NRG1: variants seen among roughly 807,000 people sequenced by gnomAD.
NRG1 encodes the protein neuregulin 1.
Under a neutral mutation model 63.8 loss-of-function variants are expected in NRG1, and 18 were observed. That is an observed-to-expected ratio of 0.28 (90% CI 0.19 to 0.42). The LOEUF is 0.42. Ranked by LOEUF, NRG1 falls within the 10% of genes least tolerant of loss-of-function variation. The probability of loss-of-function intolerance (pLI) is 1.00; values close to 1 mark genes in which losing one functional copy is unlikely to be tolerated. For missense variants in NRG1, 762 were observed against 814.7 expected, an observed-to-expected ratio of 0.94 and a Z score of 0.79; for synonymous variants, 302 against 301.3, an observed-to-expected ratio of 1.00 and a Z score of -0.02.
At chr8:32,643,876 T>G (rs1188179482) in intron 5 of NRG1, among the ~76,000 whole-genome samples, 1 of 152,242 alleles carries the variant, frequency 6.6e-6, no homozygotes, top group Non-Finnish European at 1.5e-5. Flanking sequence ...AATTCCTATT[T>G]CATTGTTACA....
chr8:31,840,247 A>C (rs1826064325), intron 1 of NRG1, among the ~76,000 whole-genome samples: 1 of 151,830 alleles, frequency 6.6e-6, no homozygotes, highest in African/African-American at 2.4e-5. Flanking sequence ...CCTAGTCCAT[A>C]GTATCCAGCA....
At chr8:32,765,553 A>G (rs1831361180) in exon 12 of NRG1, 1 of 151,860 alleles carries the variant, frequency 6.6e-6, no homozygotes, top group South Asian at 2.1e-4. Flanking sequence ...GTGGATGACC[A>G]CCCCTTTCTC....
intron 1 of NRG1, among the ~76,000 whole-genome samples, chr8:31,927,706 C>T (rs1230324039): frequency 6.7e-6 from 1 of 150,090 alleles, no homozygotes; most frequent in East Asian, 1.9e-4. Context: ...CCTCGGCCTC[C>T]CAAAGTGCTG....
intron 1 of NRG1, among the ~76,000 whole-genome samples, chr8:31,904,850 C>G (rs1832391443): frequency 6.6e-6 from 1 of 151,946 alleles, no homozygotes; most frequent in Non-Finnish European, 1.5e-5. Flanking sequence ...TACAAGGGAA[C>G]AGTAGACACT....
intron 1 of NRG1, among the ~76,000 whole-genome samples, chr8:32,080,806 T>A (rs1014741576): frequency 4.1e-5 from 5 of 121,470 alleles, no homozygotes; most frequent in African/African-American, 6.0e-5. Context: ...TGTGTGTGTG[T>A]GTGACAGAGA....
intron 1 of NRG1, among the ~76,000 whole-genome samples, chr8:32,558,953 G>A (rs1035977903): frequency 1.3e-5 from 2 of 151,776 alleles, no homozygotes; most frequent in African/African-American, 4.8e-5. Flanking sequence ...GGTGGCATGT[G>A]CCTGTGGTCC....
chr8:32,470,583 T>A (rs1823721867), intron 1 of NRG1, among the ~76,000 whole-genome samples: 1 of 152,210 alleles, frequency 6.6e-6, no homozygotes, highest in African/African-American at 2.4e-5. Context: ...TTATAAGTAC[T>A]TCTCCCATTC....
intron 1 of NRG1, among the ~76,000 whole-genome samples, chr8:31,930,569 G>T (rs1209909026): frequency 6.6e-6 from 1 of 152,146 alleles, no homozygotes; most frequent in Non-Finnish European, 1.5e-5. Context: ...CAAATGGCTA[G>T]CTCTTCTCAA....
intron 6 of NRG1, among the ~76,000 whole-genome samples, chr8:32,741,163 G>A (rs1413560378): frequency 6.6e-6 from 1 of 152,080 alleles, no homozygotes; most frequent in Non-Finnish European, 1.5e-5. Context: ...CCATATTTAA[G>A]CACAGCCCCA....
At chr8:32,173,922 A>T (rs1840380062) in intron 1 of NRG1, among the ~76,000 whole-genome samples, 1 of 152,172 alleles carries the variant, frequency 6.6e-6, no homozygotes, top group Non-Finnish European at 1.5e-5. Flanking sequence ...TCAACATTAG[A>T]CTGATCAACG....
intron 1 of NRG1, among the ~76,000 whole-genome samples, chr8:31,715,134 A>G (rs1048209928): frequency 1.1e-4 from 16 of 152,154 alleles, no homozygotes; most frequent in African/African-American, 3.9e-4. Context: ...TATTTAATAT[A>G]AAGCTTATAA....
At chr8:31,816,045 A>G (rs767091724) in intron 1 of NRG1, among the ~76,000 whole-genome samples, 1 of 152,150 alleles carries the variant, frequency 6.6e-6, no homozygotes, top group Admixed American at 6.5e-5. Context: ...GGAGTTCTCT[A>G]TATATTCTGG....
intron 1 of NRG1, among the ~76,000 whole-genome samples, chr8:31,853,915 T>A (rs1385385822): frequency 6.6e-6 from 1 of 151,690 alleles, no homozygotes; most frequent in Non-Finnish European, 1.5e-5. Flanking sequence ...GGATTACATT[T>A]ATTGATTTGC....
At chr8:31,827,777 A>G (rs1824712721) in intron 1 of NRG1, among the ~76,000 whole-genome samples, 1 of 152,194 alleles carries the variant, frequency 6.6e-6, no homozygotes, top group Non-Finnish European at 1.5e-5. Flanking sequence ...TCATTGCATC[A>G]TTAGACAGAA....
chr8:32,441,994 G>T (rs1451702756), intron 1 of NRG1, among the ~76,000 whole-genome samples: 1 of 152,122 alleles, frequency 6.6e-6, no homozygotes, highest in Admixed American at 6.5e-5. Flanking sequence ...GAAGGTCAGT[G>T]CTTCATAAAT....
intron 1 of NRG1, among the ~76,000 whole-genome samples, chr8:32,362,787 G>A (rs764670004): frequency 3.4e-4 from 52 of 152,298 alleles, no homozygotes; most frequent in Non-Finnish European, 6.3e-4. Context: ...CAGATGCCAT[G>A]GAAGATCTAA....
rs113058224 is a variant in NRG1, at chr8:31,914,368, A to C, written c.37+274937A>C. On this transcript the variant is annotated intron_variant, in intron 1 of 10. Transcript: ENST00000519301. The stretch of plus-strand genomic sequence containing the variant: ...CAGCTTTTTGAATTCACACTAAAGA[A>C]CTTTAAATTTCCAAATGAAGAAATT... Among the ~76,000 whole-genome samples, 6 of 149,052 alleles carry C rather than the reference A, an allele frequency of 4.0e-5. 1 individual carries two copies. The highest frequency in any genetic ancestry group is 1.5e-4 in the African/African-American group (6 of 40,862).
intron 1 of NRG1, among the ~76,000 whole-genome samples, chr8:31,810,020 A>C (rs1036841525): frequency 1.3e-5 from 2 of 152,006 alleles, no homozygotes; most frequent in Admixed American, 6.6e-5. Flanking sequence ...TAGTCTCCCC[A>C]TATCAGGAGA....
At chr8:32,654,790 T>C (rs2439327) in intron 5 of NRG1, among the ~76,000 whole-genome samples, 15,994 of 152,056 alleles carry the variant, frequency 0.11, 955 homozygotes, top group African/African-American at 0.16. Flanking sequence ...ATTAGTTCCT[T>C]AGTGCTTAAA....
Sources: gnomAD v4.1 joint callset for allele counts (sites outside exome capture counted in the v4.1 genomes callset) on GRCh38, gnomAD v4.1.1 for gene constraint, MANE v1.5 for transcripts, NCBI Gene and HGNC (gene_info 2026-07-23, HGNC 2026-07-21) for gene names.